The following PET100 variants were observed in gnomAD, a reference collection of about 807,000 sequenced individuals.
PET100 encodes the protein protein PET100 homolog, mitochondrial.
Under a neutral mutation model 13.6 loss-of-function variants are expected in PET100, and 13 were observed. The observed-to-expected ratio is 0.96, with a 90% CI of 0.62 to 1.52. The LOEUF (loss-of-function observed/expected upper bound fraction) is 1.52, where lower values mean the gene tolerates loss of function less well. PET100 is among the 40% of genes most tolerant of loss of function. The probability of loss-of-function intolerance (pLI) is 0.00; values close to 1 mark genes in which losing one functional copy is unlikely to be tolerated. For synonymous variants in PET100, 28 were observed against 30.8 expected (o/e 0.91, Z 0.30); for missense variants, 94 against 95.3 (o/e 0.99, Z 0.06).
rs73921479 is a variant in PET100, at chr19:7,631,374, G to A, written c.139-99G>A. On this transcript the variant is annotated intron_variant, in intron 3 of 3. Coordinates refer to ENST00000594797, the MANE Select transcript of PET100 (RefSeq NM_001171155.2). ...ACACTGAACCCTGAAGCCGTGGTCT[G>A]GGGCAGGGTGGTGGGAGAGGTGGGC... 2.8e-3 allele frequency: 3,865 copies of A among 1,397,358 alleles called. 65 individuals are homozygous for A. The African/African-American group carries it at 0.049, about 18-fold the overall frequency. The allele number at this position is 1,397,358 out of a possible 1,614,324, so 86.6% of individuals were successfully genotyped here.
At chr19:7,631,169 A>G in intron 3 of PET100, 2 of 1,161,148 alleles carry the variant, frequency 1.7e-6, no homozygotes, top group Non-Finnish European at 1.2e-6. Context: ...AGATCACGCC[A>G]CTGCACTCCA....
rs565299682 is a variant in PET100, at chr19:7,630,250, G to A, written c.28-323G>A. The A allele has an allele frequency of 4.4e-4, 204 of 461,018 alleles. 4 individuals are homozygous for A. The South Asian group carries it at 5.5e-3, about 13-fold the overall frequency. The allele number at this position is 461,018 out of a possible 1,614,324, so 28.6% of individuals were successfully genotyped here. A position where few individuals can be genotyped will look rare whatever the true frequency, so the allele number is the denominator to read the frequency against. ...AGAGTGACGCCTCCTGGGTTTGGGG[G>A]TGCTCCCGGGATCTTAAGTGGGGAT... is the stretch of plus-strand genomic sequence containing the variant. On this transcript the variant is annotated intron_variant, in intron 1 of 3. Coordinates refer to ENST00000594797, the MANE Select transcript of PET100 (RefSeq NM_001171155.2).
intron 3 of PET100, chr19:7,631,166 G>A (rs890271858): frequency 7.1e-6 from 8 of 1,131,832 alleles, no homozygotes; most frequent in African/African-American, 3.1e-5. Flanking sequence ...CCAAGATCAC[G>A]CCACTGCACT....
At chr19:7,630,500 G>GT (rs2031254667) in intron 1 of PET100, 73 bp from the exon 2 acceptor site, 5 of 1,242,750 alleles carry the variant, frequency 4.0e-6, no homozygotes, top group Non-Finnish European at 5.7e-6. Flanking sequence ...AGTAGGATGG[G>GT]TCCCCCAGGC....
rs117661715 is a variant in PET100, at chr19:7,631,533, C to T, written c.199C>T (p.Arg67Cys). Reference sequence around the variant, plus strand: ...GAAGCGGCGGGAGGAGAAGCTCCTTCGCGACGCCCAGCAGAACTCCTGAGG... The same window carrying T: ...GAAGCGGCGGGAGGAGAAGCTCCTTTGCGACGCCCAGCAGAACTCCTGAGG... ...LRKRREEKLL[R>C]DAQQNS The change falls in exon 4 of 4, where the codon CGC becomes TGC. Residue 67 changes from arginine (R) to cysteine (C), a missense_variant. Coordinates refer to ENST00000594797, the MANE Select transcript of PET100 (RefSeq NM_001171155.2). The T allele has an allele frequency of 4.3e-3, 6,653 of 1,535,792 alleles. 196 individuals carry two copies. In the East Asian group the frequency reaches 0.084, roughly 19 times the overall value.
rs1196703546 is a variant in PET100, at chr19:7,630,406, G to A, written c.28-167G>A. 6 of 623,854 alleles carry A rather than the reference G, an allele frequency of 9.6e-6. No homozygotes were observed. In the African/African-American group the frequency reaches 1.1e-4, roughly 11 times the overall value. 38.6% of individuals were successfully genotyped at this position (623,854 alleles called of 1,614,324 possible). ...AGGCCTCCTGGATTATAGGAGTTAG[G>A]TTTTAGGGTGCGAGGTTTCTGTACC... On this transcript the variant is annotated intron_variant, in intron 1 of 3. Coordinates refer to ENST00000594797, the MANE Select transcript of PET100 (RefSeq NM_001171155.2).
rs1157789840 is a variant in PET100 at position 7,630,030 on chromosome 19, TGGGG to T, written c.27+174_27+177del. 10 of 573,784 alleles carry T rather than the reference TGGGG, an allele frequency of 1.7e-5. No homozygotes were observed. In the Admixed American group the frequency reaches 4.8e-4, roughly 28 times the overall value. 35.5% of individuals were successfully genotyped at this position (573,784 alleles called of 1,614,324 possible). A position where few individuals can be genotyped will look rare whatever the true frequency, so the allele number is the denominator to read the frequency against. On this transcript the variant is annotated intron_variant, in intron 1 of 3. Transcript: ENST00000594797. ...AAATCCAGGAGAGGGGACGCTGGGC[TGGGG>T]GGGTTCTCGGATTTGGGCTTCTGGG...
chr19:7,630,397 A>G, intron 1 of PET100, 176 bp from the exon 2 acceptor site: 1 of 608,760 alleles, frequency 1.6e-6, no homozygotes, highest in East Asian at 2.8e-5. Context: ...CCTGGATTAT[A>G]GGAGTTAGGT....
At chr19:7,629,986 G>A (rs762725438) in intron 1 of PET100, 126 bp downstream of exon 1, 1 of 1,206,348 alleles carries the variant, frequency 8.3e-7, no homozygotes. Flanking sequence ...TAAGATTTGA[G>A]AGGAACCTTT....
intron 1 of PET100, chr19:7,630,078 G>T: frequency 1.8e-6 from 1 of 555,606 alleles, no homozygotes; most frequent in Non-Finnish European, 3.1e-6. Context: ...CTGTGAGAGG[G>T]CTGGTCCGAG....
rs765373529 is a variant in PET100 at position 7,631,656 on chromosome 19, G to T, written c.*100G>T. On this transcript the variant is annotated 3_prime_UTR_variant, in exon 4 of 4. Transcript: ENST00000594797. ...TGTTTTATTCTTTTATCAGTTTTTG[G>T]GGGCCGAGTGAGACCCAGGATGCCT... 1 of 1,457,474 alleles carries T rather than the reference G, an allele frequency of 6.9e-7. No homozygotes were observed. Among genetic ancestry groups the T allele is most frequent in the South Asian group, 1.4e-5 (1 of 69,138 alleles). The allele number at this position is 1,457,474 out of a possible 1,614,324, so 90.3% of individuals were successfully genotyped here.
Position 7,631,794 on chromosome 19 carries a change from T to C in PET100, c.*238T>C, listed in dbSNP as rs374449716. On this transcript the variant is annotated 3_prime_UTR_variant, in exon 4 of 4. Coordinates refer to ENST00000594797, the MANE Select transcript of PET100 (RefSeq NM_001171155.2). ...GTTGGGGACTGAGGGTCCCAGCTCG[T>C]TTCTGTGCTCCGTCCTGTGGATGAA... 1.5e-5 allele frequency: 22 copies of C among 1,421,612 alleles called. No individual in the cohort carries two copies. The highest frequency in any genetic ancestry group is 1.8e-5 in the Non-Finnish European group (19 of 1,083,688). The allele number at this position is 1,421,612 out of a possible 1,614,324, so 88.1% of individuals were successfully genotyped here. A position where few individuals can be genotyped will look rare whatever the true frequency, so the allele number is the denominator to read the frequency against.
At position 7,631,728 on chromosome 19, in the gene PET100, A is replaced by G. The variant is rs199875794; in HGVS notation, c.*172A>G. On this transcript the variant is annotated 3_prime_UTR_variant, in exon 4 of 4. Coordinates refer to ENST00000594797, the MANE Select transcript of PET100 (RefSeq NM_001171155.2). ...TCGGGGGCTGGGGGCTGCTGTTCCGACGGAAGCCGAGAGCGGTCGGGTCCT... is the reference window on the plus strand; with the variant it reads ...TCGGGGGCTGGGGGCTGCTGTTCCGGCGGAAGCCGAGAGCGGTCGGGTCCT... 1.4e-6 allele frequency: 2 copies of G among 1,443,490 alleles called. No individual in the cohort carries two copies. The highest frequency in any genetic ancestry group is 5.2e-5 in the East Asian group (2 of 38,460). The allele number at this position is 1,443,490 out of a possible 1,614,324, so 89.4% of individuals were successfully genotyped here. A position where few individuals can be genotyped will look rare whatever the true frequency, so the allele number is the denominator to read the frequency against.
At position 7,631,508 on chromosome 19, in the gene PET100, G is replaced by A. The variant is rs754071187; in HGVS notation, c.174G>A (p.Arg58=). 28 of 1,536,208 alleles carry A rather than the reference G, an allele frequency of 1.8e-5. No homozygotes were observed. In the African/African-American group the frequency reaches 2.3e-4, roughly 13 times the overall value. ...TAGAGGAATTCAAAGAGAGGTTACG[G>A]AAGCGGCGGGAGGAGAAGCTCCTTC... is the stretch of plus-strand genomic sequence containing the variant. ...QEIEEFKERL[R]KRREEKLLRD... Residue 58 remains arginine (R), a synonymous_variant, in exon 4 of 4, where the codon CGG becomes CGA. Transcript: ENST00000594797.
chr19:7,630,907 G>A (rs1417122403), intron 3 of PET100, 61 bp downstream of exon 3: 2 of 1,534,808 alleles, frequency 1.3e-6, no homozygotes, highest in Non-Finnish European at 1.7e-6. Context: ...TATCCGGGAT[G>A]GGTTTTAGAT....
intron 3 of PET100, 168 bp from the exon 4 acceptor site, chr19:7,631,304 TC>T (rs1164506962): frequency 7.1e-7 from 1 of 1,408,198 alleles, no homozygotes; most frequent in East Asian, 2.6e-5. Flanking sequence ...GTGAAGCGGA[TC>T]CCACGCGGAC....
intron 3 of PET100, 174 bp from the exon 4 acceptor site, chr19:7,631,299 G>A (rs2031283094): frequency 7.1e-7 from 1 of 1,414,418 alleles, no homozygotes; most frequent in South Asian, 1.6e-5. Context: ...GAAGAGTGAA[G>A]CGGATCCCAC....
chr19:7,631,408 GTGGT>G, intron 3 of PET100, 61 bp from the exon 4 acceptor site: 3 of 914,332 alleles, frequency 3.3e-6, no homozygotes, highest in Non-Finnish European at 4.6e-6. Flanking sequence ...GCGGGGGGGG[GTGGT>G]CCCGGCTCTG....
chr19:7,630,368 A>G (rs929909929), intron 1 of PET100: 1 of 588,172 alleles, frequency 1.7e-6, no homozygotes, highest in East Asian at 2.8e-5. Flanking sequence ...CTCAGAGGGA[A>G]CTTTCAGGAA....
Sources: allele counts gnomAD v4.1 joint callset, GRCh38; gene constraint gnomAD v4.1.1; transcripts MANE v1.5; gene names NCBI Gene and HGNC (gene_info 2026-07-23, HGNC 2026-07-21).